Variants in FAT3 observed in about 807,000 individuals in gnomAD.
The protein encoded by FAT3 is protocadherin Fat 3.
A neutral mutation model predicts 310.2 loss-of-function variants in FAT3; 95 were observed. The ratio of observed to expected loss-of-function variants is 0.31; its 90% CI spans 0.26 to 0.36. The LOEUF is 0.36. Among genes scored for constraint, FAT3 ranks in the 10% least tolerant of loss-of-function variants. The pLI is 1.00. For synonymous variants in FAT3, 2,314 were observed against 2,192.9 expected, an observed-to-expected ratio of 1.06 and a Z score of -1.54; for missense variants, 5,408 against 5,715.6, an observed-to-expected ratio of 0.95 and a Z score of 1.74.
At chr11:92,830,459 A>G (rs368207560) in intron 13 of FAT3, among the ~76,000 whole-genome samples, 9 of 152,158 alleles carry the variant, frequency 5.9e-5, no homozygotes, top group African/African-American at 9.7e-5. Flanking sequence ...TCCTTGATGG[A>G]GTATTCCAGG....
At chr11:92,853,953 G>A (rs988275780) in intron 19 of FAT3, among the ~76,000 whole-genome samples, 1 of 152,106 alleles carries the variant, frequency 6.6e-6, no homozygotes, top group Non-Finnish European at 1.5e-5. Flanking sequence ...CATCACTGGG[G>A]ACCTGCCCTT....
chr11:92,327,583 A>G (rs1224901605), intron 1 of FAT3, among the ~76,000 whole-genome samples: 2 of 152,240 alleles, frequency 1.3e-5, no homozygotes, highest in Non-Finnish European at 2.9e-5. Flanking sequence ...GGATTATAAG[A>G]CAGTGGATTA....
intron 3 of FAT3, among the ~76,000 whole-genome samples, chr11:92,554,968 G>C (rs963922789): frequency 1.3e-5 from 2 of 152,176 alleles, no homozygotes; most frequent in Non-Finnish European, 2.9e-5. Context: ...TTATTCATTT[G>C]TCTGACTGTG....
At chr11:92,537,557 A>G (rs1455350839) in intron 3 of FAT3, among the ~76,000 whole-genome samples, 1 of 152,000 alleles carries the variant, frequency 6.6e-6, no homozygotes, top group Admixed American at 6.6e-5. Flanking sequence ...CCAGGAATTT[A>G]TTATTGGGAT....
At chr11:92,399,909 G>A (rs1389288364) in intron 2 of FAT3, among the ~76,000 whole-genome samples, 5 of 152,190 alleles carry the variant, frequency 3.3e-5, no homozygotes, top group Non-Finnish European at 5.9e-5. Context: ...GCCAACAGGA[G>A]GTGCAATACA....
chr11:92,395,409 G>A (rs187805764), intron 2 of FAT3, among the ~76,000 whole-genome samples: 1 of 152,238 alleles, frequency 6.6e-6, no homozygotes, highest in East Asian at 1.9e-4. Flanking sequence ...ATAAGCCAAG[G>A]CTGTATGCAA....
At chr11:92,303,144 C>A (rs1458837004) in intron 1 of FAT3, among the ~76,000 whole-genome samples, 3 of 152,074 alleles carry the variant, frequency 2.0e-5, no homozygotes, top group Non-Finnish European at 4.4e-5. Flanking sequence ...AGCCTCTGTA[C>A]AATTTTACAG....
At chr11:92,565,497 A>T (rs1372093952) in intron 3 of FAT3, among the ~76,000 whole-genome samples, 1 of 149,392 alleles carries the variant, frequency 6.7e-6, no homozygotes. Flanking sequence ...AAACTATTCC[A>T]ATCAATAGAA....
At chr11:92,297,709 C>T (rs923050444) in intron 1 of FAT3, among the ~76,000 whole-genome samples, 4 of 152,032 alleles carry the variant, frequency 2.6e-5, no homozygotes, top group South Asian at 4.1e-4. Flanking sequence ...TCCAAGTGAG[C>T]GTAGTTATCA....
chr11:92,802,087 C>A (rs188989543), intron 10 of FAT3, among the ~76,000 whole-genome samples, 178 bp downstream of exon 10: 2 of 152,136 alleles, frequency 1.3e-5, no homozygotes, highest in African/African-American at 4.8e-5. Context: ...TTGGCTGTTG[C>A]TAACTCAGCC....
chr11:92,816,016 A>G (rs548059303), intron 13 of FAT3, among the ~76,000 whole-genome samples: 2 of 152,352 alleles, frequency 1.3e-5, no homozygotes, highest in Non-Finnish European at 2.9e-5. Context: ...AAAATGCTAC[A>G]TAGGTCCATG....
chr11:92,306,723 TTA>T (rs1312395070), intron 1 of FAT3, among the ~76,000 whole-genome samples: 5 of 119,386 alleles, frequency 4.2e-5, no homozygotes, highest in South Asian at 2.4e-4. Flanking sequence ...TATTTATATA[TTA>T]TATATATATT....
Position 92,883,502 on chromosome 11 carries a change from G to A in FAT3, c.12937+109G>A. 1.5e-6 allele frequency: 2 copies of A among 1,364,230 alleles called. No individual in the cohort carries two copies. Among genetic ancestry groups the A allele is most frequent in the Non-Finnish European group, 2.0e-6 (2 of 1,014,974 alleles). 84.5% of individuals were successfully genotyped at this position (1,364,230 alleles called of 1,614,324 possible). On this transcript the variant is annotated intron_variant, in intron 24 of 27. Transcript: ENST00000525166. This position sits in a 1 kb window ranked among gnomAD's most constrained non-coding sequence, Gnocchi z 4.2. ...GAGAGACCCCGCATGCAGAGCATTC[G>A]CTATGACATGTGCTGATGTCGAATG...
In FAT3 at chr11:92,354,984, C is replaced by G; in HGVS notation, c.2872C>G (p.Leu958Val). 6.2e-7 allele frequency: 1 copy of G among 1,613,804 alleles called. No individual in the cohort carries two copies. Among genetic ancestry groups the G allele is most frequent in the Non-Finnish European group, 8.5e-7 (1 of 1,179,858 alleles). Residue 958 changes from leucine to valine, a missense_variant, in exon 2 of 28, where the codon CTT becomes GTT. By Grantham distance (32) the Leu-to-Val change is conservative. This residue lies in a region of FAT3 where 4,588 missense variants were observed against 4,809.8 expected (regional missense o/e 0.95). Transcript: ENST00000525166. The stretch of plus-strand genomic sequence containing the variant: ...CCCTGTTGGCACTGTCATTGCTTGG[C>G]TTGAGACCCATGATCCAGATCTTGG... ...DLPVGTVIAWLETHDPDLGLG... is the reference protein window; with the variant it reads ...DLPVGTVIAWVETHDPDLGLG...
chr11:92,268,612 C>T (rs942746891), intron 1 of FAT3, among the ~76,000 whole-genome samples: 2 of 152,110 alleles, frequency 1.3e-5, no homozygotes, highest in Non-Finnish European at 2.9e-5. Context: ...AGACACATCA[C>T]TAACTTAATT....
intron 1 of FAT3, among the ~76,000 whole-genome samples, chr11:92,246,511 T>C (rs557781523): frequency 6.6e-6 from 1 of 152,098 alleles, no homozygotes; most frequent in African/African-American, 2.4e-5. Context: ...GGGGAACTAT[T>C]TGCTCTAAGA....
At position 92,764,946 on chromosome 11, in the gene FAT3, A is replaced by G; in HGVS notation, c.4052A>G (p.Lys1351Arg). The change falls in exon 6 of 28, where the codon AAG becomes AGG. Residue 1351 changes from lysine (K) to arginine (R), a missense_variant. Around this residue, in one of 5 missense-constraint regions of FAT3, gnomAD observed 4,588 missense variants for 4,809.8 expected, o/e 0.95. Transcript: ENST00000525166. ...GCCCGCCTCCACATTGAATGGATTAAGAAACCACCCCCTTCACCTATACCA... is the reference window on the plus strand; with the variant it reads ...GCCCGCCTCCACATTGAATGGATTAGGAAACCACCCCCTTCACCTATACCA... ...STARLHIEWI[K>R]KPPPSPIPLT... 6.2e-7 allele frequency: 1 copy of G among 1,613,938 alleles called. No individual in the cohort carries two copies. Among genetic ancestry groups the G allele is most frequent in the Non-Finnish European group, 8.5e-7 (1 of 1,179,862 alleles).
intron 4 of FAT3, among the ~76,000 whole-genome samples, chr11:92,730,506 G>A (rs1454505544): frequency 6.6e-6 from 1 of 152,190 alleles, no homozygotes; most frequent in African/African-American, 2.4e-5. Context: ...CAAGGCTGAT[G>A]TAGCAAGGAA....
At chr11:92,836,033 G>A (rs1197698557) in intron 15 of FAT3, among the ~76,000 whole-genome samples, 1 of 152,138 alleles carries the variant, frequency 6.6e-6, no homozygotes, top group Non-Finnish European at 1.5e-5. Context: ...CATCAGAAGT[G>A]CACCCCTCAG....
Sources: gnomAD v4.1 joint callset for allele counts (sites outside exome capture counted in the v4.1 genomes callset) on GRCh38, gnomAD v4.1.1 for gene constraint, gnomAD v4.1.1 regional missense constraint, Gnocchi (gnomAD v3.1) non-coding constraint, MANE v1.5 for transcripts, NCBI Gene and HGNC (gene_info 2026-07-23, HGNC 2026-07-21) for gene names.